IMPG1: variants seen among roughly 807,000 people sequenced by gnomAD.
The protein encoded by IMPG1 is interphotoreceptor matrix proteoglycan 1.
A neutral mutation model predicts 92.0 loss-of-function variants in IMPG1; 85 were observed. The observed-to-expected ratio is 0.92, with a 90% CI of 0.78 to 1.11. The LOEUF is 1.11. IMPG1 is among the 50% of genes least tolerant of loss of function. The pLI, the probability that IMPG1 is intolerant of heterozygous loss-of-function variation, is 0.00. For missense variants in IMPG1, 1,022 were observed against 956.0 expected (o/e 1.07, Z -0.91); for synonymous variants, 367 against 334.1 (o/e 1.10, Z -1.08).
chr6:75,937,389 AATAAACAGCCTCT>A (rs1781763408), intron 14 of IMPG1, among the ~76,000 whole-genome samples: 1 of 152,186 alleles, frequency 6.6e-6, no homozygotes, highest in African/African-American at 2.4e-5. Context: ...ACTTTTTCTA[AATAAACAGCCTCT>A]ATAACCCAGT....
At chr6:76,007,570 C>T (rs1783119383) in intron 8 of IMPG1, 70 bp from the exon 9 acceptor site, 9 of 1,051,534 alleles carry the variant, frequency 8.6e-6, no homozygotes, top group Non-Finnish European at 1.3e-5. Context: ...TTGAGACATT[C>T]AATGAATTAT....
chr6:75,953,041 T>G (rs1404821612), intron 12 of IMPG1, among the ~76,000 whole-genome samples: 2 of 152,198 alleles, frequency 1.3e-5, no homozygotes, highest in African/African-American at 4.8e-5. Context: ...ACTTTTTTTG[T>G]GTCATGGGAA....
chr6:75,998,670 G>A (rs1782937971), intron 12 of IMPG1, among the ~76,000 whole-genome samples: 1 of 152,152 alleles, frequency 6.6e-6, no homozygotes, highest in African/African-American at 2.4e-5. Context: ...CTTCTCTCCT[G>A]ATAGACCAGA....
At chr6:76,023,193 C>G (rs1191272450) in intron 5 of IMPG1, among the ~76,000 whole-genome samples, 1 of 152,102 alleles carries the variant, frequency 6.6e-6, no homozygotes, top group Non-Finnish European at 1.5e-5. Context: ...TGTGGCATAT[C>G]AGAACCTCAA....
At chr6:75,967,487 C>A (rs188535820) in intron 12 of IMPG1, among the ~76,000 whole-genome samples, 3 of 152,200 alleles carry the variant, frequency 2.0e-5, no homozygotes. Flanking sequence ...GACACCTCAT[C>A]AGACACAATG....
At chr6:76,030,846 C>T (rs1174202159) in intron 4 of IMPG1, among the ~76,000 whole-genome samples, 3 of 152,150 alleles carry the variant, frequency 2.0e-5, no homozygotes, top group Non-Finnish European at 4.4e-5. Context: ...GGGAATGAGA[C>T]AGCCAAGTGG....
intron 12 of IMPG1, among the ~76,000 whole-genome samples, chr6:75,961,574 C>T (rs372018656): frequency 3.5e-4 from 54 of 152,170 alleles, no homozygotes; most frequent in East Asian, 5.8e-4. Context: ...ATACATGGTA[C>T]GCCAGGTGGT....
intron 12 of IMPG1, among the ~76,000 whole-genome samples, chr6:75,994,854 G>T (rs12524215): frequency 5.3e-5 from 8 of 152,092 alleles, no homozygotes; most frequent in Admixed American, 3.9e-4. Flanking sequence ...TAACAAAAAA[G>T]GATGGAAGCA....
chr6:76,055,779 A>T (rs71561452), intron 1 of IMPG1, among the ~76,000 whole-genome samples: 22 of 152,188 alleles, frequency 1.4e-4, no homozygotes, highest in Middle Eastern at 3.4e-3. Flanking sequence ...TAACAAGACG[A>T]TATAATGAAT....
rs74774115 is a variant in IMPG1, at chr6:75,994,956, G to A, written c.1291+7962C>T. On this transcript the variant is annotated intron_variant, in intron 12 of 16. Coordinates refer to ENST00000369950, the MANE Select transcript of IMPG1 (RefSeq NM_001563.4). ...ACCACTGACTAAAAAGAGGTAAGAG[G>A]AGGGCAATATTTGAACACCTGAGAG... Among the ~76,000 whole-genome samples the A allele has an allele frequency of 9.8e-3, 1,493 of 152,320 alleles. 17 individuals carry two copies. Among genetic ancestry groups the A allele is most frequent in the African/African-American group, 0.034 (1,418 of 41,572 alleles).
chr6:75,932,586 T>C (rs920179493), intron 14 of IMPG1, among the ~76,000 whole-genome samples: 4 of 152,232 alleles, frequency 2.6e-5, no homozygotes, highest in African/African-American at 9.6e-5. Flanking sequence ...CTAGTAGAAC[T>C]TTTGTAAGCA....
At chr6:75,989,159 G>C (rs1782772821) in intron 12 of IMPG1, among the ~76,000 whole-genome samples, 1 of 152,192 alleles carries the variant, frequency 6.6e-6, no homozygotes, top group East Asian at 1.9e-4. Flanking sequence ...CATGATCATA[G>C]CTCACTGCAT....
chr6:76,015,204 T>G (rs1294761728), intron 7 of IMPG1, among the ~76,000 whole-genome samples: 2 of 152,304 alleles, frequency 1.3e-5, no homozygotes, highest in East Asian at 1.9e-4. Flanking sequence ...ATTAGGTTTA[T>G]TGTGGAAATT....
At chr6:75,944,956 A>G (rs887878358) in intron 14 of IMPG1, among the ~76,000 whole-genome samples, 1 of 152,208 alleles carries the variant, frequency 6.6e-6, no homozygotes, top group Non-Finnish European at 1.5e-5. Context: ...CATGTATGCC[A>G]TAGTTCACTG....
chr6:76,030,535 C>T (rs1409278507), intron 4 of IMPG1, among the ~76,000 whole-genome samples: 1 of 152,148 alleles, frequency 6.6e-6, no homozygotes, highest in East Asian at 1.9e-4. Flanking sequence ...CCCTGAGATG[C>T]ATCCTCCAAA....
At chr6:76,023,040 C>A (rs760425151) in intron 5 of IMPG1, among the ~76,000 whole-genome samples, 3 of 152,138 alleles carry the variant, frequency 2.0e-5, no homozygotes, top group African/African-American at 4.8e-5. Context: ...TGGGAATCTG[C>A]GGTCACAAGT....
chr6:75,958,715 C>T (rs190869611), intron 12 of IMPG1, among the ~76,000 whole-genome samples: 45 of 152,154 alleles, frequency 3.0e-4, no homozygotes, highest in African/African-American at 9.2e-4. Context: ...CTGTTTTTTC[C>T]GGCTCCATCA....
chr6:76,014,785 C>T (rs1783254746), intron 7 of IMPG1, among the ~76,000 whole-genome samples: 4 of 152,260 alleles, frequency 2.6e-5, no homozygotes, highest in Middle Eastern at 6.8e-3. Context: ...GGGGGAGAGC[C>T]CTCCTCCTCT....
At chr6:75,938,832 A>AAAACG (rs1781792074) in intron 14 of IMPG1, among the ~76,000 whole-genome samples, 1 of 150,978 alleles carries the variant, frequency 6.6e-6, no homozygotes, top group Non-Finnish European at 1.5e-5. Context: ...AAAACAAAAC[A>AAAACG]AAACAAAACA....
Sources: allele counts gnomAD v4.1 joint callset (sites outside exome capture counted in the v4.1 genomes callset), GRCh38; gene constraint gnomAD v4.1.1; transcripts MANE v1.5; gene names NCBI Gene and HGNC (gene_info 2026-07-23, HGNC 2026-07-21).